TEX101: variants seen among roughly 807,000 people sequenced by gnomAD.
TEX101 encodes the protein testis-expressed protein 101.
In TEX101, 10 loss-of-function variants were observed where a neutral mutation model predicts 18.1. That is an observed-to-expected ratio of 0.55 (90% CI 0.34 to 0.94). The LOEUF (loss-of-function observed/expected upper bound fraction) is 0.94, where lower values mean the gene tolerates loss of function less well. Among genes scored for constraint, TEX101 ranks in the 40% least tolerant of loss-of-function variants. TEX101 has a pLI of 0.02. For missense variants in TEX101, 259 were observed against 298.9 expected (o/e 0.87, Z 0.98); for synonymous variants, 94 against 114.8 (o/e 0.82, Z 1.16).
upstream of TEX101, among the ~76,000 whole-genome samples, chr19:43,412,514 G>T (rs1327781870): frequency 6.6e-6 from 1 of 152,172 alleles, no homozygotes; most frequent in Admixed American, 6.5e-5. Flanking sequence ...GAAATGGGGT[G>T]AAGAATAGAG....
chr19:43,410,431 G>T (rs1209291565), upstream of TEX101, among the ~76,000 whole-genome samples: 1 of 152,082 alleles, frequency 6.6e-6, no homozygotes. Context: ...AATGATAAGG[G>T]TGAGGCATGG....
In TEX101 at chr19:43,418,448, T is replaced by A; in HGVS notation, c.*51T>A. 6.6e-7 allele frequency: 1 copy of A among 1,508,106 alleles called. No individual in the cohort carries two copies. The highest frequency in any genetic ancestry group is 9.1e-7 in the Non-Finnish European group (1 of 1,100,188). The allele number at this position is 1,508,106 out of a possible 1,614,324, so 93.4% of individuals were successfully genotyped here. ...AGGACATCTTTTTTGACTGGGAGCCTTCTTACTGTTGAGGTTCAACAAGCT... is the reference window on the plus strand; with the variant it reads ...AGGACATCTTTTTTGACTGGGAGCCATCTTACTGTTGAGGTTCAACAAGCT... On this transcript the variant is annotated 3_prime_UTR_variant, in exon 6 of 6. Transcript: ENST00000598265.
intron 3 of TEX101, among the ~76,000 whole-genome samples, chr19:43,407,530 C>T (rs888624602): frequency 6.6e-6 from 1 of 151,862 alleles, no homozygotes; most frequent in Non-Finnish European, 1.5e-5. Context: ...AAAAGAAAGC[C>T]GGAGCTGGGA....
the TEX101 span, among the ~76,000 whole-genome samples, chr19:43,395,055 G>A: frequency 6.6e-6 from 1 of 152,188 alleles, no homozygotes; most frequent in South Asian, 2.1e-4. Context: ...GACTTGTGGG[G>A]CTTGTATACC....
chr19:43,415,913 A>G lies in TEX101; in HGVS notation c.-7A>G. On this transcript the variant is annotated 5_prime_UTR_variant, in exon 2 of 6. Transcript: ENST00000598265. Reference sequence around the variant, plus strand: ...CCAGCTCCTCCCAGACCTCTCCAGAAGAAGCCATGGGAACCCCTCGTATCC... The same window carrying G: ...CCAGCTCCTCCCAGACCTCTCCAGAGGAAGCCATGGGAACCCCTCGTATCC... 1 of 1,614,194 alleles carries G rather than the reference A, an allele frequency of 6.2e-7. No homozygotes were observed. Among genetic ancestry groups the G allele is most frequent in the Non-Finnish European group, 8.5e-7 (1 of 1,180,030 alleles).
At chr19:43,399,421 A>T (rs953467579), upstream of TEX101, among the ~76,000 whole-genome samples, 1 of 152,104 alleles carries the variant, frequency 6.6e-6, no homozygotes, top group Non-Finnish European at 1.5e-5. Flanking sequence ...AATGATGATG[A>T]TCATTGCCTA....
upstream of TEX101, among the ~76,000 whole-genome samples, chr19:43,413,027 A>C (rs1183971398): frequency 6.6e-6 from 1 of 152,156 alleles, no homozygotes; most frequent in African/African-American, 2.4e-5. Context: ...AAAAGTAATA[A>C]TAATAACAGC....
the TEX101 span, among the ~76,000 whole-genome samples, chr19:43,394,844 A>G: frequency 6.6e-6 from 1 of 152,166 alleles, no homozygotes; most frequent in Admixed American, 6.5e-5. Context: ...AATTTATGCA[A>G]ATACTTGTGA....
chr19:43,408,107 A>G (rs1453981931), intron 3 of TEX101, among the ~76,000 whole-genome samples: 3 of 152,120 alleles, frequency 2.0e-5, no homozygotes, highest in Non-Finnish European at 4.4e-5. Flanking sequence ...GGCCTCTGGT[A>G]TGGGAACCAG....
In TEX101 at chr19:43,403,663, A is replaced by T. The variant is rs561251566; in HGVS notation, c.-283+804A>T. Among the ~76,000 whole-genome samples the T allele has an allele frequency of 1.7e-4, 25 of 143,304 alleles. No individual in the cohort carries two copies. The Middle Eastern group carries it at 0.014, about 83-fold the overall frequency. The allele number at this position is 143,304 out of a possible 152,430, so 94.0% of individuals were successfully genotyped here. On this transcript the variant is annotated intron_variant, in intron 2 of 7. Transcript: ENST00000602198. The stretch of plus-strand genomic sequence containing the variant: ...TAAACTAAATGTTCTAATTGATTTT[A>T]AAAAAAAAAAGGAAAAAGAAAAAGA...
At chr19:43,407,447 T>G (rs766851314) in intron 3 of TEX101, among the ~76,000 whole-genome samples, 35 of 148,886 alleles carry the variant, frequency 2.4e-4, no homozygotes, top group Non-Finnish European at 1.3e-4. Context: ...ACGGTGTCAC[T>G]GCACTCCAGC....
At chr19:43,392,024 A>C in the TEX101 span, among the ~76,000 whole-genome samples, 1 of 152,206 alleles carries the variant, frequency 6.6e-6, no homozygotes, top group Non-Finnish European at 1.5e-5. Flanking sequence ...GATGGACAAC[A>C]TGAAGCCCCT....
At position 43,414,944 on chromosome 19, in the gene TEX101, G is replaced by GA; in HGVS notation, c.-133dup. 1.0e-6 allele frequency: 1 copy of GA among 985,422 alleles called. No homozygotes were observed. The highest frequency in any genetic ancestry group is 1.2e-6 in the Non-Finnish European group (1 of 829,932). The allele number at this position is 985,422 out of a possible 1,614,324, so 61.0% of individuals were successfully genotyped here. A position where few individuals can be genotyped will look rare whatever the true frequency, so the allele number is the denominator to read the frequency against. On this transcript the variant is annotated 5_prime_UTR_variant, in exon 1 of 6. The change creates a premature stop within an existing upstream ORF in the 5' untranslated region. Coordinates refer to ENST00000598265, the MANE Select transcript of TEX101 (RefSeq NM_001130011.3). ...TTCCGGGCCTCAACTTTGGCGTCGTGAGATTCTTGTGAGGCGTCTGCCTGG... is the reference window on the plus strand; with the variant it reads ...TTCCGGGCCTCAACTTTGGCGTCGTGAAGATTCTTGTGAGGCGTCTGCCTGG...
upstream of TEX101, among the ~76,000 whole-genome samples, chr19:43,399,534 T>C (rs1223791384): frequency 1.3e-5 from 2 of 152,160 alleles, no homozygotes; most frequent in Non-Finnish European, 2.9e-5. Flanking sequence ...TGAAGAAAAC[T>C]TCCTCACTCG....
chr19:43,394,998 A>G, the TEX101 span, among the ~76,000 whole-genome samples: 156 of 152,336 alleles, frequency 1.0e-3, no homozygotes, highest in African/African-American at 3.6e-3. Context: ...TAATATTTAC[A>G]TGCATGGGAG....
chr19:43,393,796 C>A, the TEX101 span, among the ~76,000 whole-genome samples: 2 of 149,884 alleles, frequency 1.3e-5, no homozygotes, highest in Non-Finnish European at 3.0e-5. Context: ...TGGTAAGGTG[C>A]GGAGCAGGGG....
chr19:43,414,101 G>A (rs572154005), upstream of TEX101, among the ~76,000 whole-genome samples: 13 of 142,996 alleles, frequency 9.1e-5, no homozygotes, highest in East Asian at 2.3e-3. Flanking sequence ...TCCAGCCTGG[G>A]CAAAAAGAGC....
At chr19:43,404,598 A>C (rs988723561) in intron 2 of TEX101, among the ~76,000 whole-genome samples, 1 of 152,108 alleles carries the variant, frequency 6.6e-6, no homozygotes, top group Non-Finnish European at 1.5e-5. Context: ...CCAATTGTTA[A>C]CATTTTGCCA....
chr19:43,399,802 ATTTT>A (rs71169230), upstream of TEX101, among the ~76,000 whole-genome samples: 1 of 113,278 alleles, frequency 8.8e-6, no homozygotes. Context: ...CCTATGTCCT[ATTTT>A]TTTTTTTTTT....
Sources: gnomAD v4.1 joint callset for allele counts (sites outside exome capture counted in the v4.1 genomes callset) on GRCh38, gnomAD v4.1.1 for gene constraint, MANE v1.5 for transcripts, NCBI Gene and HGNC (gene_info 2026-07-23, HGNC 2026-07-21) for gene names.